Variants in FIRRM observed in about 807,000 individuals in gnomAD.
FIRRM encodes the protein FIGNL1 interacting regulator of recombination and mitosis.
chr1:169,835,068 A>G, the FIRRM span, among the ~76,000 whole-genome samples: 4 of 152,180 alleles, frequency 2.6e-5, no homozygotes, highest in African/African-American at 7.2e-5. Flanking sequence ...GTAAGAAAGC[A>G]TATTAGAGAA....
chr1:169,849,348 A>G, the FIRRM span: 2 of 597,852 alleles, frequency 3.3e-6, no homozygotes, highest in Non-Finnish European at 5.8e-6. Flanking sequence ...GATTTGAGTA[A>G]AAGAGTGACA....
chr1:169,822,472 T>C, the FIRRM span, among the ~76,000 whole-genome samples: 2 of 152,186 alleles, frequency 1.3e-5, no homozygotes, highest in African/African-American at 4.8e-5. Context: ...CTGCTCATCT[T>C]TGCAAATAAT....
the FIRRM span, among the ~76,000 whole-genome samples, chr1:169,835,724 G>A: frequency 6.6e-6 from 1 of 152,080 alleles, no homozygotes; most frequent in Non-Finnish European, 1.5e-5. Context: ...TGTTGTCCAG[G>A]ACATTATTTT....
chr1:169,810,834 A>ATTTTTTTT, the FIRRM span, among the ~76,000 whole-genome samples: 181 of 61,212 alleles, frequency 3.0e-3, 40 homozygotes, highest in South Asian at 4.9e-3. Context: ...TTAGCCCCCA[A>ATTTTTTTT]TTTTTTTTTT....
At chr1:169,805,246 A>T in the FIRRM span, among the ~76,000 whole-genome samples, 9 of 152,224 alleles carry the variant, frequency 5.9e-5, no homozygotes, top group Non-Finnish European at 1.0e-4. Flanking sequence ...ATGTCCTGAG[A>T]CAACTTTCTC....
At chr1:169,844,440 T>A in the FIRRM span, among the ~76,000 whole-genome samples, 1 of 152,192 alleles carries the variant, frequency 6.6e-6, no homozygotes, top group Non-Finnish European at 1.5e-5. Flanking sequence ...CAGGGTCAGG[T>A]AAGAAAGATA....
the FIRRM span, chr1:169,850,980 C>CTTTTTTTTTTTTTTT: frequency 3.2e-5 from 1 of 31,576 alleles, no homozygotes; most frequent in Non-Finnish European, 4.9e-5. Flanking sequence ...TTAGGCATGG[C>CTTTTTTTTTTTTTTT]TTTTTTTTTT....
chr1:169,824,362 C>G, the FIRRM span, among the ~76,000 whole-genome samples: 1 of 152,228 alleles, frequency 6.6e-6, no homozygotes, highest in South Asian at 2.1e-4. Flanking sequence ...TTCCCTCTTG[C>G]ATCATCAGCC....
chr1:169,827,016 A>G, the FIRRM span: 1 of 1,600,542 alleles, frequency 6.2e-7, no homozygotes, highest in African/African-American at 1.3e-5. Context: ...GAAGATAGCT[A>G]TTAATGAATG....
chr1:169,843,397 TTTAGAC>T, the FIRRM span, among the ~76,000 whole-genome samples: 1 of 152,184 alleles, frequency 6.6e-6, no homozygotes, highest in Non-Finnish European at 1.5e-5. Context: ...TTAGATCCCT[TTTAGAC>T]TTAAATTTGG....
At chr1:169,836,075 G>A in the FIRRM span, among the ~76,000 whole-genome samples, 1 of 145,798 alleles carries the variant, frequency 6.9e-6, no homozygotes, top group African/African-American at 2.5e-5. Context: ...TTTTTTTGGT[G>A]GGTTTTTAGT....
At chr1:169,840,131 T>C in the FIRRM span, among the ~76,000 whole-genome samples, 1 of 149,196 alleles carries the variant, frequency 6.7e-6, no homozygotes, top group Non-Finnish European at 1.5e-5. Context: ...TGTAGTCTTA[T>C]AGTATAGTTT....
the FIRRM span, chr1:169,795,022 C>A: frequency 9.1e-7 from 1 of 1,098,368 alleles, no homozygotes; most frequent in Non-Finnish European, 1.3e-6. Flanking sequence ...CGGCGGAGAG[C>A]GCGCAAGGGT....
chr1:169,843,895 C>T, the FIRRM span: 1 of 625,924 alleles, frequency 1.6e-6, no homozygotes, highest in African/African-American at 1.8e-5. Flanking sequence ...ATTGACTTGT[C>T]TTCATCAAGG....
At chr1:169,791,096 AG>A in the FIRRM span, among the ~76,000 whole-genome samples, 2 of 152,218 alleles carry the variant, frequency 1.3e-5, no homozygotes, top group African/African-American at 4.8e-5. Context: ...GAGCTCAGGC[AG>A]TAATACTCAT....
At chr1:169,836,591 A>G in the FIRRM span, among the ~76,000 whole-genome samples, 1 of 152,206 alleles carries the variant, frequency 6.6e-6, no homozygotes, top group Non-Finnish European at 1.5e-5. Context: ...TAACTGTACA[A>G]GGTGACGAGT....
chr1:169,843,751 T>A, the FIRRM span: 3 of 1,603,152 alleles, frequency 1.9e-6, no homozygotes, highest in East Asian at 6.7e-5. Context: ...AAACTCTAGA[T>A]CCTAAACTGA....
At chr1:169,821,762 A>AAG in the FIRRM span, 1 of 1,579,026 alleles carries the variant, frequency 6.3e-7, no homozygotes, top group Non-Finnish European at 8.7e-7. Flanking sequence ...ACGCTAAGGT[A>AAG]AGGCTTTATT....
chr1:169,851,684 T>A, the FIRRM span: 1 of 971,680 alleles, frequency 1.0e-6, no homozygotes, highest in South Asian at 1.6e-5. Flanking sequence ...AGAGTATTTA[T>A]AGATCAGTCC....
Sources: gnomAD v4.1 joint callset for allele counts (sites outside exome capture counted in the v4.1 genomes callset) on GRCh38, gnomAD v4.1.1 for gene constraint, MANE v1.5 for transcripts, NCBI Gene and HGNC (gene_info 2026-07-23, HGNC 2026-07-21) for gene names.